The following PXDN variants were observed in gnomAD, a reference collection of about 807,000 sequenced individuals.
PXDN encodes peroxidasin.
PXDN carries 77 observed loss-of-function variants against 140.3 expected under a neutral mutation model. The ratio of observed to expected loss-of-function variants is 0.55; its 90% CI spans 0.46 to 0.66. The LOEUF (loss-of-function observed/expected upper bound fraction) is 0.66, where lower values mean the gene tolerates loss of function less well. Among genes scored for constraint, PXDN ranks in the 30% least tolerant of loss-of-function variants. The pLI, the probability that PXDN is intolerant of heterozygous loss-of-function variation, is 0.00. For synonymous variants in PXDN, 911 were observed against 857.4 expected (o/e 1.06, Z -1.09); for missense variants, 1,838 against 2,039.5 (o/e 0.90, Z 1.90).
chr2:1,743,609 G>T (rs1294102215), intron 1 of PXDN, among the ~76,000 whole-genome samples: 13 of 146,452 alleles, frequency 8.9e-5, no homozygotes, highest in Admixed American at 5.4e-4. Flanking sequence ...AGGGGCGGGG[G>T]AGGGGGAGAG....
chr2:1,708,186 T>C (rs1258648014), intron 1 of PXDN, among the ~76,000 whole-genome samples: 2 of 152,242 alleles, frequency 1.3e-5, no homozygotes, highest in African/African-American at 2.4e-5. Context: ...TGTCGGCATG[T>C]GCCCTGGCGC....
At chr2:1,654,823 G>T (rs1350381125) in intron 14 of PXDN, among the ~76,000 whole-genome samples, 1 of 152,120 alleles carries the variant, frequency 6.6e-6, no homozygotes, top group Non-Finnish European at 1.5e-5. Context: ...AGGCCTCCCT[G>T]TGTGGCCAGC....
intron 1 of PXDN, among the ~76,000 whole-genome samples, chr2:1,731,152 G>GCACACACACACACACACGCGCA (rs1685304985): frequency 7.4e-6 from 1 of 135,968 alleles, no homozygotes; most frequent in Non-Finnish European, 1.6e-5. Flanking sequence ...GAGCGCGCGC[G>GCACACACACACACACACGCGCA]CACACACACA....
chr2:1,665,718 GT>G (rs1683418860), intron 10 of PXDN, among the ~76,000 whole-genome samples: 2 of 152,184 alleles, frequency 1.3e-5, no homozygotes, highest in Non-Finnish European at 2.9e-5. Flanking sequence ...TTGTTTGAAT[GT>G]TTTCCAACAA....
intron 1 of PXDN, among the ~76,000 whole-genome samples, chr2:1,704,369 G>GTA (rs1420616064): frequency 1.3e-5 from 1 of 74,358 alleles, no homozygotes; most frequent in Non-Finnish European, 2.8e-5. Flanking sequence ...CCAGGTGAAG[G>GTA]GGGGGCAACT....
Position 1,661,040 on chromosome 2 carries a change from G to A in PXDN, c.1681-3C>T. 6.2e-7 allele frequency: 1 copy of A among 1,613,850 alleles called. No individual in the cohort carries two copies. The highest frequency in any genetic ancestry group is 8.5e-7 in the Non-Finnish European group (1 of 1,179,806). On this transcript the variant is annotated splice_polypyrimidine_tract_variant and splice_region_variant and intron_variant, in intron 13 of 22. Coordinates refer to ENST00000252804, the MANE Select transcript of PXDN (RefSeq NM_012293.3). The stretch of plus-strand genomic sequence containing the variant: ...CTTTCTGTCACCTGAACCCCATCCT[G>A]GAGCAAAACAGAATGAAAACAGTAT...
intron 9 of PXDN, among the ~76,000 whole-genome samples, chr2:1,668,603 C>CA (rs144731732): frequency 0.45 from 61,044 of 136,038 alleles, 13,035 homozygotes; most frequent in East Asian, 0.66. Context: ...AACAAATTTA[C>CA]AAAAAAAAAA....
In PXDN at chr2:1,660,287, A is replaced by G. The variant is rs1198244688; in HGVS notation, c.1837+594T>C. On this transcript the variant is annotated intron_variant, in intron 14 of 22. Transcript: ENST00000252804. This position sits in a 1 kb window ranked among gnomAD's most constrained non-coding sequence, Gnocchi z 4.6. ...GGGCCTCTGTTACAAGAACCCGGAC[A>G]AGATGCCAAGGGCCTCGGGGTGAGT... 1.3e-5 allele frequency among the ~76,000 whole-genome samples: 2 copies of G among 152,148 alleles called. No homozygotes were observed. The highest frequency in any genetic ancestry group is 3.9e-4 in the East Asian group (2 of 5,174).
intron 8 of PXDN, chr2:1,676,640 C>G: frequency 2.1e-6 from 1 of 474,048 alleles, no homozygotes; most frequent in Non-Finnish European, 3.8e-6. Context: ...CCAGCATGCT[C>G]TCCCTCCCTC....
chr2:1,637,724 GTA>G, intron 21 of PXDN, among the ~76,000 whole-genome samples: 1 of 128,366 alleles, frequency 7.8e-6, no homozygotes, highest in African/African-American at 3.0e-5. Flanking sequence ...CCTGGGGGAT[GTA>G]CACCTGGTCT....
chr2:1,724,186 T>C (rs1343931312), intron 1 of PXDN, among the ~76,000 whole-genome samples: 2 of 152,246 alleles, frequency 1.3e-5, no homozygotes, highest in African/African-American at 4.8e-5. Context: ...CTGAAAGTTG[T>C]TATAGTCTTA....
chr2:1,641,315 C>G (rs926615296), intron 19 of PXDN, among the ~76,000 whole-genome samples: 1 of 152,072 alleles, frequency 6.6e-6, no homozygotes, highest in South Asian at 2.1e-4. Context: ...CCACGCCCGG[C>G]TAATTTTTGT....
intron 14 of PXDN, among the ~76,000 whole-genome samples, chr2:1,656,490 G>A (rs1683135861): frequency 6.6e-6 from 1 of 152,168 alleles, no homozygotes; most frequent in Non-Finnish European, 1.5e-5. Flanking sequence ...CCTCTATGGG[G>A]ACCTGCCCCC....
At chr2:1,700,266 T>C (rs1684393853) in intron 1 of PXDN, among the ~76,000 whole-genome samples, 1 of 152,146 alleles carries the variant, frequency 6.6e-6, no homozygotes, top group Admixed American at 6.5e-5. Context: ...TTCGCCTTGT[T>C]GGCCAGGCTG....
chr2:1,699,214 A>C (rs1472324348), intron 1 of PXDN, among the ~76,000 whole-genome samples: 1 of 149,678 alleles, frequency 6.7e-6, no homozygotes, highest in East Asian at 1.9e-4. Flanking sequence ...TCCCTTTCAC[A>C]GTAAACTAAA....
chr2:1,718,148 G>A (rs539744912), intron 1 of PXDN, among the ~76,000 whole-genome samples: 114 of 147,004 alleles, frequency 7.8e-4, no homozygotes, highest in South Asian at 2.6e-3. Context: ...TCTGCTAACC[G>A]ACCACCCAAA....
rs1023837088 is a variant in PXDN, at chr2:1,685,324, A to C, written c.417-1173T>G. Reference sequence around the variant, plus strand: ...AAAAACTGGAGCAGGAAGACAAGGAAAACCGCCGTGGGCGAGCATGACGGG... The same window carrying C: ...AAAAACTGGAGCAGGAAGACAAGGACAACCGCCGTGGGCGAGCATGACGGG... On this transcript the variant is annotated intron_variant, in intron 4 of 22. Transcript: ENST00000252804. This position sits in a 1 kb window ranked among gnomAD's most constrained non-coding sequence, Gnocchi z 5.1. 6.6e-6 allele frequency among the ~76,000 whole-genome samples: 1 copy of C among 152,232 alleles called. No homozygotes were observed. Among genetic ancestry groups the C allele is most frequent in the African/African-American group, 2.4e-5 (1 of 41,472 alleles).
chr2:1,680,365 G>A lies in PXDN; in HGVS notation c.561-3C>T. On this transcript the variant is annotated splice_region_variant and splice_polypyrimidine_tract_variant and intron_variant, in intron 6 of 22. Coordinates refer to ENST00000252804, the MANE Select transcript of PXDN (RefSeq NM_012293.3). Reference sequence around the variant, plus strand: ...GAAGTGTGTTTGAGTCCAGTCGCCTGTGGGAAGGAAGATGCAGCCGGTGAG... The same window carrying A: ...GAAGTGTGTTTGAGTCCAGTCGCCTATGGGAAGGAAGATGCAGCCGGTGAG... 2 of 1,613,972 alleles carry A rather than the reference G, an allele frequency of 1.2e-6. No individual in the cohort carries two copies. Among genetic ancestry groups the A allele is most frequent in the Admixed American group, 1.7e-5 (1 of 60,026 alleles).
At chr2:1,722,032 T>G (rs1195503991) in intron 1 of PXDN, among the ~76,000 whole-genome samples, 1 of 152,152 alleles carries the variant, frequency 6.6e-6, no homozygotes, top group Non-Finnish European at 1.5e-5. Flanking sequence ...GGAAACGCTT[T>G]TTAAAGTGCT....
Sources: gnomAD v4.1 joint callset for allele counts (sites outside exome capture counted in the v4.1 genomes callset) on GRCh38, gnomAD v4.1.1 for gene constraint, Gnocchi (gnomAD v3.1) non-coding constraint, MANE v1.5 for transcripts, NCBI Gene and HGNC (gene_info 2026-07-23, HGNC 2026-07-21) for gene names.